HMCN2: variants seen among roughly 807,000 people sequenced by gnomAD.
The protein encoded by HMCN2 is hemicentin 2.
In HMCN2, 325 loss-of-function variants were observed where a neutral mutation model predicts 377.5. That is an observed-to-expected ratio of 0.86 (90% CI 0.79 to 0.94). HMCN2 has a LOEUF of 0.94. Ranked by LOEUF, HMCN2 falls within the 40% of genes least tolerant of loss-of-function variation. The probability of loss-of-function intolerance (pLI) is 0.00; values close to 1 mark genes in which losing one functional copy is unlikely to be tolerated. For synonymous variants in HMCN2, 2,007 were observed against 2,046.8 expected (o/e 0.98, Z 0.53); for missense variants, 4,543 against 4,725.3 (o/e 0.96, Z 1.13).
chr9:130,282,175 C>T (rs118004427), intron 1 of HMCN2, among the ~76,000 whole-genome samples: 2,509 of 152,302 alleles, frequency 0.016, 31 homozygotes, highest in Middle Eastern at 0.027. Context: ...TGAGAACACC[C>T]GCTGGAGCCT....
intron 4 of HMCN2, among the ~76,000 whole-genome samples, chr9:130,287,991 C>T (rs1051951817): frequency 4.6e-5 from 7 of 152,196 alleles, no homozygotes; most frequent in Admixed American, 1.3e-4. Context: ...TGGTTCTCTG[C>T]GACACTTTAG....
chr9:130,402,759 T>G, intron 77 of HMCN2, 30 bp from the exon 78 acceptor site: 1 of 1,265,054 alleles, frequency 7.9e-7, no homozygotes, highest in Non-Finnish European at 1.0e-6. Flanking sequence ...ACCTCTGTCC[T>G]GATCCCCTCA....
Position 130,403,718 on chromosome 9 carries a change from C to T in HMCN2, c.12014-23C>T, listed in dbSNP as rs73670547. On this transcript the variant is annotated intron_variant, in intron 79 of 97. Coordinates refer to ENST00000683500, the MANE Select transcript of HMCN2 (RefSeq NM_001291815.2). ...TCCCCAGTCCCAGTTCCCAGGCCCCCGATTTTCTTCTTCCTCGTTCAGGAG... is the reference window on the plus strand; with the variant it reads ...TCCCCAGTCCCAGTTCCCAGGCCCCTGATTTTCTTCTTCCTCGTTCAGGAG... 4,831 of 1,287,046 alleles carry T rather than the reference C, an allele frequency of 3.8e-3. 158 individuals are homozygous for T. In the African/African-American group the frequency reaches 0.065, roughly 17 times the overall value. The allele number at this position is 1,287,046 out of a possible 1,614,324, so 79.7% of individuals were successfully genotyped here. A position where few individuals can be genotyped will look rare whatever the true frequency, so the allele number is the denominator to read the frequency against.
At chr9:130,321,969 A>C (rs967614032) in intron 19 of HMCN2, 38 bp downstream of exon 19, 8 of 152,148 alleles carry the variant, frequency 5.3e-5, no homozygotes, top group Non-Finnish European at 1.2e-4. Context: ...GTCGTGGGGC[A>C]GGGAACATGA....
chr9:130,432,768 C>T, intron 97 of HMCN2: 1 of 593,320 alleles, frequency 1.7e-6, no homozygotes, highest in East Asian at 2.9e-5. Flanking sequence ...ACCATGCAGA[C>T]TCACACAACC....
chr9:130,313,485 C>T (rs1172373175), intron 15 of HMCN2, among the ~76,000 whole-genome samples: 1 of 152,230 alleles, frequency 6.6e-6, no homozygotes, highest in African/African-American at 2.4e-5. Flanking sequence ...GCCTCACTTT[C>T]CTCGTCTGTG....
In HMCN2 at chr9:130,428,416, C is replaced by A; in HGVS notation, c.14124C>A (p.Asn4708Lys). 6.5e-7 allele frequency: 1 copy of A among 1,547,532 alleles called. No homozygotes were observed. The highest frequency in any genetic ancestry group is 8.7e-7 in the Non-Finnish European group (1 of 1,146,942). ...GCCGAGAGGGACAGCGCTGTGTGAA[C>A]CTGCTCGGGTCCTACCGCTGCCTCC... is the stretch of plus-strand genomic sequence containing the variant. ...HLCREGQRCV[N>K]LLGSYRCLPD... The change falls in exon 93 of 98, where the codon AAC becomes AAA. Residue 4708 changes from asparagine to lysine, a missense_variant. Asn to Lys is a moderately conservative substitution (Grantham distance 94). Transcript: ENST00000683500. This position sits in a 1 kb window ranked among gnomAD's most constrained non-coding sequence, Gnocchi z 5.0.
intron 8 of HMCN2, among the ~76,000 whole-genome samples, chr9:130,302,049 C>CTTTTTTTTTTTTTTTTTT (rs60456645): frequency 3.4e-5 from 5 of 147,450 alleles, no homozygotes; most frequent in Non-Finnish European, 3.0e-5. Flanking sequence ...TCTAGCTGTG[C>CTTTTTTTTTTTTTTTTTT]TTTTTTTTTT....
At position 130,429,626 on chromosome 9, in the gene HMCN2, G is replaced by A; in HGVS notation, c.14267G>A (p.Gly4756Asp). 6.5e-7 allele frequency: 1 copy of A among 1,549,766 alleles called. No homozygotes were observed. The highest frequency in any genetic ancestry group is 8.7e-7 in the Non-Finnish European group (1 of 1,146,592). The change falls in exon 94 of 98, where the codon GGT (glycine) becomes GAT (aspartate). Residue 4756 changes from glycine (G) to aspartate (D), a missense_variant. Around this residue, in one of 5 missense-constraint regions of HMCN2, gnomAD observed 1,155 missense variants for 1,157.7 expected, o/e 1.00. Transcript: ENST00000683500. Reference sequence around the variant, plus strand: ...CAGCTCTGCGAGAACACCCCAGGCGGTCACCGCTGCAGCTGCCCCAGGGGT... The same window carrying A: ...CAGCTCTGCGAGAACACCCCAGGCGATCACCGCTGCAGCTGCCCCAGGGGT... Reference protein sequence around the residue: ...YNQLCENTPGGHRCSCPRGYR... With the variant: ...YNQLCENTPGDHRCSCPRGYR...
intron 95 of HMCN2, 137 bp from the exon 96 acceptor site, chr9:130,431,229 TG>T: frequency 1.2e-6 from 1 of 864,594 alleles, no homozygotes; most frequent in Non-Finnish European, 1.8e-6. Flanking sequence ...GAACCTGGGC[TG>T]GGAGGGGCAG....
chr9:130,400,956 G>A lies in HMCN2; in HGVS notation c.11770+9G>A. On this transcript the variant is annotated intron_variant, in intron 77 of 97. Coordinates refer to ENST00000683500, the MANE Select transcript of HMCN2 (RefSeq NM_001291815.2). Reference sequence around the variant, plus strand: ...TCGTGTCTCACCATCGGGTAAGTAAGGGTAAGCCACAGAGAGAGGCAGCTG... The same window carrying A: ...TCGTGTCTCACCATCGGGTAAGTAAAGGTAAGCCACAGAGAGAGGCAGCTG... 7.8e-7 allele frequency: 1 copy of A among 1,283,720 alleles called. No homozygotes were observed. The highest frequency in any genetic ancestry group is 1.0e-6 in the Non-Finnish European group (1 of 986,206). 79.5% of individuals were successfully genotyped at this position (1,283,720 alleles called of 1,614,324 possible).
intron 15 of HMCN2, among the ~76,000 whole-genome samples, chr9:130,316,658 T>C (rs889819201): frequency 2.0e-5 from 3 of 152,162 alleles, no homozygotes; most frequent in Admixed American, 2.0e-4. Context: ...TGGATGCTTG[T>C]AGCTCCCGCC....
Position 130,405,028 on chromosome 9 carries a change from C to T in HMCN2, c.12308C>T (p.Pro4103Leu). ...GCCGAGGGGAAGTTCACCATCCAGC[C>T]TTCTGGGGAGTTGCTGGTGAAGAAC... ...SGAEGKFTIQ[P>L]SGELLVKNLE... is the part of the protein sequence containing the mutation. Residue 4103 changes from proline (P) to leucine (L), a missense_variant, in exon 81 of 98, where the codon CCT becomes CTT. Transcript: ENST00000683500. The T allele has an allele frequency of 1.6e-6, 2 of 1,288,332 alleles. No homozygotes were observed. Among genetic ancestry groups the T allele is most frequent in the African/African-American group, 1.5e-5 (1 of 65,954 alleles). The allele number at this position is 1,288,332 out of a possible 1,614,324, so 79.8% of individuals were successfully genotyped here. A position where few individuals can be genotyped will look rare whatever the true frequency, so the allele number is the denominator to read the frequency against.
chr9:130,385,315 C>T (rs1031226541), intron 59 of HMCN2, among the ~76,000 whole-genome samples: 4 of 151,986 alleles, frequency 2.6e-5, no homozygotes, highest in South Asian at 2.1e-4. Context: ...TGGGGGCGGG[C>T]GACAGCATCT....
At chr9:130,268,771 GA>G (rs1485706061) in intron 1 of HMCN2, among the ~76,000 whole-genome samples, 1 of 148,936 alleles carries the variant, frequency 6.7e-6, no homozygotes, top group East Asian at 1.9e-4. Flanking sequence ...GATGTGGAGG[GA>G]CAGGTGTGTG....
intron 43 of HMCN2, 65 bp downstream of exon 43, chr9:130,366,060 C>T: frequency 1.0e-6 from 1 of 979,436 alleles, no homozygotes; most frequent in Non-Finnish European, 1.2e-6. Flanking sequence ...TGCCCAGTCC[C>T]CACTGGTTAC....
rs975165724 is a variant in HMCN2, at chr9:130,433,791, A to G, written c.*98A>G. On this transcript the variant is annotated 3_prime_UTR_variant, in exon 98 of 98. Coordinates refer to ENST00000683500, the MANE Select transcript of HMCN2 (RefSeq NM_001291815.2). ...CACCTGCTGTGGCAAGCGGAGCGTC[A>G]TCGTCTCCCGCCCCGTGCGTCAGCG... 1 of 1,007,016 alleles carries G rather than the reference A, an allele frequency of 9.9e-7. No homozygotes were observed. The allele number at this position is 1,007,016 out of a possible 1,614,324, so 62.4% of individuals were successfully genotyped here.
chr9:130,392,764 A>G (rs1311355000), intron 66 of HMCN2, among the ~76,000 whole-genome samples: 2 of 152,178 alleles, frequency 1.3e-5, no homozygotes, highest in African/African-American at 2.4e-5. Context: ...TGGGAGGCCA[A>G]GGCGGGCAGA....
intron 1 of HMCN2, among the ~76,000 whole-genome samples, chr9:130,276,795 C>T (rs2131238349): frequency 6.6e-6 from 1 of 152,312 alleles, no homozygotes; most frequent in East Asian, 1.9e-4. Context: ...TCTCCAACCC[C>T]TGCCCTTTAG....
Sources: allele counts gnomAD v4.1 joint callset (sites outside exome capture counted in the v4.1 genomes callset), GRCh38; gene constraint gnomAD v4.1.1; regional missense constraint gnomAD v4.1.1; non-coding constraint Gnocchi (gnomAD v3.1); transcripts MANE v1.5; gene names NCBI Gene and HGNC (gene_info 2026-07-23, HGNC 2026-07-21).